Variants in RGL1 observed in about 807,000 individuals in gnomAD.
The protein encoded by RGL1 is ral guanine nucleotide dissociation stimulator-like 1.
In RGL1, 24 loss-of-function variants were observed where a neutral mutation model predicts 95.2. The observed-to-expected ratio is 0.25, with a 90% CI of 0.18 to 0.35. The LOEUF (loss-of-function observed/expected upper bound fraction) is 0.35. Ranked by LOEUF, RGL1 falls within the 10% of genes least tolerant of loss-of-function variation. The pLI is 1.00. For missense variants in RGL1, 715 were observed against 936.3 expected (o/e 0.76, Z 3.08); for synonymous variants, 329 against 344.9 (o/e 0.95, Z 0.51).
chr1:183,732,527 G>A (rs919599001), intron 1 of RGL1, among the ~76,000 whole-genome samples: 1 of 152,054 alleles, frequency 6.6e-6, no homozygotes, highest in Non-Finnish European at 1.5e-5. Context: ...CTTGGCTATC[G>A]AATACTGTAT....
intron 7 of RGL1, among the ~76,000 whole-genome samples, chr1:183,885,991 A>G (rs1417276238): frequency 1.3e-5 from 2 of 152,126 alleles, no homozygotes; most frequent in African/African-American, 4.8e-5. Flanking sequence ...CAGCAAAATA[A>G]TGATTTTGAA....
intron 1 of RGL1, among the ~76,000 whole-genome samples, chr1:183,698,389 A>T (rs61571527): frequency 0.011 from 1,735 of 152,300 alleles, 30 homozygotes; most frequent in African/African-American, 0.04. Context: ...TTCCTGCATT[A>T]ATTCTCTTCC....
At chr1:183,769,860 C>T (rs996694143) in intron 2 of RGL1, among the ~76,000 whole-genome samples, 6 of 152,230 alleles carry the variant, frequency 3.9e-5, no homozygotes, top group African/African-American at 7.2e-5. Context: ...TAACCAGGCC[C>T]GACCCAGCTT....
rs780012312 is a variant in RGL1 at position 183,916,612 on chromosome 1, C to T, written c.1915C>T (p.Pro639Ser). ...SVTSITSTVL[P>S]PVYNQQNEDT... Reference sequence around the variant, plus strand: ...GACGTCCATTACCTCGACTGTGCTGCCTCCTGTTTACAACCAACAGAATGA... The same window carrying T: ...GACGTCCATTACCTCGACTGTGCTGTCTCCTGTTTACAACCAACAGAATGA... Residue 639 changes from proline (P) to serine (S), a missense_variant, in exon 16 of 18, where the codon CCT (proline) becomes TCT (serine). Transcript: ENST00000360851. 33 of 1,613,900 alleles carry T rather than the reference C, an allele frequency of 2.0e-5. No homozygotes were observed. The highest frequency in any genetic ancestry group is 3.3e-4 in the Middle Eastern group (2 of 6,084).
chr1:183,752,093 A>G (rs1658036681), intron 2 of RGL1, among the ~76,000 whole-genome samples: 1 of 152,106 alleles, frequency 6.6e-6, no homozygotes, highest in Non-Finnish European at 1.5e-5. Flanking sequence ...TTTTGAGTTG[A>G]TATGTGCAAG....
chr1:183,735,218 CA>C lies in RGL1; in HGVS notation c.-32-6907del, dbSNP rs565228953. On this transcript the variant is annotated intron_variant, in intron 1 of 18. Transcript: ENST00000304685. The stretch of plus-strand genomic sequence containing the variant: ...CACTTCTTTAATTTTCTACATTTAA[CA>C]GGAGACAGTTGCTCCCAGAGTCACT... 6.8e-3 allele frequency among the ~76,000 whole-genome samples: 1,034 copies of C among 152,260 alleles called. 6 individuals carry two copies. Among genetic ancestry groups the C allele is most frequent in the Non-Finnish European group, 9.1e-3 (617 of 68,026 alleles).
chr1:183,915,174 A>C (rs898434228), intron 15 of RGL1, among the ~76,000 whole-genome samples: 1 of 152,226 alleles, frequency 6.6e-6, no homozygotes, highest in Non-Finnish European at 1.5e-5. Flanking sequence ...AATAGACTCC[A>C]TTTTAATCAG....
intron 2 of RGL1, among the ~76,000 whole-genome samples, chr1:183,824,825 G>C (rs898827452): frequency 2.6e-5 from 4 of 152,152 alleles, no homozygotes; most frequent in African/African-American, 9.7e-5. Context: ...CCTCTTGCCT[G>C]TTAAAGAAGG....
intron 2 of RGL1, among the ~76,000 whole-genome samples, chr1:183,742,448 T>G (rs571345290): frequency 6.6e-6 from 1 of 152,328 alleles, no homozygotes; most frequent in Non-Finnish European, 1.5e-5. Flanking sequence ...GTCAGGAGCA[T>G]GTCCTTTGCA....
chr1:183,636,938 G>A (rs1231190747), intron 1 of RGL1, among the ~76,000 whole-genome samples: 2 of 152,186 alleles, frequency 1.3e-5, no homozygotes, highest in Non-Finnish European at 2.9e-5. Flanking sequence ...AGTTTAGTTG[G>A]ACCTCGAGCA....
At chr1:183,867,339 G>C (rs913195048) in intron 4 of RGL1, among the ~76,000 whole-genome samples, 3 of 89,834 alleles carry the variant, frequency 3.3e-5, no homozygotes, top group Admixed American at 1.3e-4. Context: ...GGGGAAGGAT[G>C]GGGGAGGAGA....
At chr1:183,883,481 T>C (rs1033645008) in intron 5 of RGL1, among the ~76,000 whole-genome samples, 1 of 152,216 alleles carries the variant, frequency 6.6e-6, no homozygotes, top group Non-Finnish European at 1.5e-5. Context: ...TCAAAAAGTT[T>C]GAAAGAGCCC....
Position 183,724,509 on chromosome 1 carries a change from A to C in RGL1, c.-32-17617A>C, listed in dbSNP as rs1055728740. Among the ~76,000 whole-genome samples, 2 of 152,136 alleles carry C rather than the reference A, an allele frequency of 1.3e-5. No individual in the cohort carries two copies. The highest frequency in any genetic ancestry group is 1.5e-5 in the Non-Finnish European group (1 of 68,010). On this transcript the variant is annotated intron_variant, in intron 1 of 18. Transcript: ENST00000304685. This position sits in a 1 kb window ranked among gnomAD's most constrained non-coding sequence, Gnocchi z 4.1. ...TGGAGATCCCTTGGGCCTTAAGTGA[A>C]CATCAGCAGTAGCCTGGCAGTACTC...
intron 1 of RGL1, chr1:183,647,924 G>A: frequency 1.9e-6 from 3 of 1,614,218 alleles, no homozygotes; most frequent in Non-Finnish European, 2.5e-6. Context: ...GAGCCCTGAG[G>A]TCTGGAGGTA....
intron 2 of RGL1, among the ~76,000 whole-genome samples, chr1:183,747,033 A>G (rs1657683290): frequency 6.6e-6 from 1 of 151,740 alleles, no homozygotes; most frequent in Non-Finnish European, 1.5e-5. Flanking sequence ...TATGTGCCAC[A>G]TTTTCTTTTT....
chr1:183,898,018 C>G, intron 10 of RGL1, 121 bp downstream of exon 10: 2 of 736,494 alleles, frequency 2.7e-6, no homozygotes, highest in Admixed American at 2.5e-5. Context: ...GAAAGGGTCT[C>G]CCATTCTCTA....
At chr1:183,893,315 T>C (rs1320019006) in intron 9 of RGL1, among the ~76,000 whole-genome samples, 1 of 152,344 alleles carries the variant, frequency 6.6e-6, no homozygotes, top group Non-Finnish European at 1.5e-5. Context: ...TAATCTCCTT[T>C]TCTATAAATG....
intron 2 of RGL1, among the ~76,000 whole-genome samples, chr1:183,836,391 C>G (rs1663655308): frequency 1.3e-5 from 2 of 151,830 alleles, no homozygotes; most frequent in African/African-American, 4.8e-5. Context: ...GCTGGGATTA[C>G]AGGCACCCGC....
intron 1 of RGL1, among the ~76,000 whole-genome samples, chr1:183,729,899 C>T (rs914210431): frequency 1.3e-5 from 2 of 152,080 alleles, no homozygotes; most frequent in Non-Finnish European, 2.9e-5. Flanking sequence ...ATATAAACCT[C>T]TAGAAAAGAA....
Sources: allele counts gnomAD v4.1 joint callset (sites outside exome capture counted in the v4.1 genomes callset), GRCh38; gene constraint gnomAD v4.1.1; non-coding constraint Gnocchi (gnomAD v3.1); transcripts MANE v1.5; gene names NCBI Gene and HGNC (gene_info 2026-07-23, HGNC 2026-07-21).